CSMD1: variants seen among roughly 807,000 people sequenced by gnomAD.
CSMD1 encodes the protein CUB and Sushi multiple domains 1.
In CSMD1, 213 loss-of-function variants were observed where a neutral mutation model predicts 417.5. That is an observed-to-expected ratio of 0.51 (90% CI 0.46 to 0.57). The LOEUF is 0.57. CSMD1 is among the 20% of genes least tolerant of loss of function. The probability of loss-of-function intolerance (pLI) is 0.00; values close to 1 mark genes in which losing one functional copy is unlikely to be tolerated. For synonymous variants in CSMD1, 2,862 were observed against 1,736.8 expected (o/e 1.65, Z -16.11); for missense variants, 6,923 against 4,529.7 (o/e 1.53, Z -15.17).
At chr8:3,986,544 C>T (rs554579912) in intron 5 of CSMD1, among the ~76,000 whole-genome samples, 50 of 152,218 alleles carry the variant, frequency 3.3e-4, no homozygotes, top group African/African-American at 1.1e-3. Context: ...ATCAGCAGAC[C>T]CGTATAAATT....
intron 1 of CSMD1, among the ~76,000 whole-genome samples, chr8:4,913,423 A>G (rs1033469630): frequency 1.3e-5 from 2 of 152,122 alleles, no homozygotes; most frequent in Admixed American, 1.3e-4. Context: ...GTGCTTGGAC[A>G]CTCAGTGAAT....
At chr8:4,922,689 A>G (rs1806575628) in intron 1 of CSMD1, among the ~76,000 whole-genome samples, 1 of 152,188 alleles carries the variant, frequency 6.6e-6, no homozygotes, top group Non-Finnish European at 1.5e-5. Context: ...GCCCCTGCAG[A>G]CCTTCAGATG....
At chr8:3,408,313 C>A (rs1812475829) in intron 13 of CSMD1, 88 bp from the exon 14 acceptor site, 4 of 950,464 alleles carry the variant, frequency 4.2e-6, no homozygotes, top group Non-Finnish European at 4.7e-6. Flanking sequence ...CCTGGAAAGG[C>A]AATTCATGCC....
At chr8:2,948,242 T>G (rs1802386732) in intron 68 of CSMD1, among the ~76,000 whole-genome samples, 1 of 152,062 alleles carries the variant, frequency 6.6e-6, no homozygotes, top group South Asian at 2.1e-4. Flanking sequence ...CACAAAGCAA[T>G]GCTTACGTGG....
chr8:3,110,908 TA>T (rs1448103057), intron 42 of CSMD1, among the ~76,000 whole-genome samples: 6 of 152,238 alleles, frequency 3.9e-5, no homozygotes, highest in Non-Finnish European at 8.8e-5. Flanking sequence ...CTTGAAGAAC[TA>T]AAACAATACC....
chr8:3,455,960 C>G lies in CSMD1; in HGVS notation c.1561+12752G>C, dbSNP rs532662373. 2.6e-5 allele frequency among the ~76,000 whole-genome samples: 4 copies of G among 152,240 alleles called. No individual in the cohort carries two copies. In the South Asian group the frequency reaches 8.3e-4, roughly 32 times the overall value. On this transcript the variant is annotated intron_variant, in intron 12 of 69. Coordinates refer to ENST00000635120, the MANE Select transcript of CSMD1 (RefSeq NM_033225.6). Reference sequence around the variant, plus strand: ...TCCTTGAGCTGAGGTGGGCTCCACCCAGTTCGAGCTTCCGGGCTGCTTTGT... The same window carrying G: ...TCCTTGAGCTGAGGTGGGCTCCACCGAGTTCGAGCTTCCGGGCTGCTTTGT...
intron 12 of CSMD1, among the ~76,000 whole-genome samples, chr8:3,414,886 A>G (rs914942957): frequency 5.3e-5 from 8 of 151,968 alleles, no homozygotes; most frequent in Non-Finnish European, 1.2e-4. Flanking sequence ...TTGCTCGGGG[A>G]TGGCCTGTAT....
At chr8:4,188,851 A>G (rs1798845009) in intron 3 of CSMD1, among the ~76,000 whole-genome samples, 1 of 151,918 alleles carries the variant, frequency 6.6e-6, no homozygotes. Context: ...AAAAAACGAA[A>G]TGTTTCTGCA....
chr8:4,600,358 C>A (rs2617095), intron 2 of CSMD1, among the ~76,000 whole-genome samples: 1 of 152,032 alleles, frequency 6.6e-6, no homozygotes, highest in Admixed American at 6.5e-5. Flanking sequence ...ACTTAATAAA[C>A]GGTGAAGTTT....
At chr8:4,722,695 A>T (rs1287551156) in intron 1 of CSMD1, among the ~76,000 whole-genome samples, 2 of 152,166 alleles carry the variant, frequency 1.3e-5, no homozygotes, top group African/African-American at 4.8e-5. Flanking sequence ...AATTTTTCTA[A>T]TTTGAATATG....
chr8:4,430,197 T>A (rs1466479298), intron 2 of CSMD1, among the ~76,000 whole-genome samples: 1 of 152,196 alleles, frequency 6.6e-6, no homozygotes, highest in African/African-American at 2.4e-5. Flanking sequence ...GGTGCCCCTT[T>A]ATCTCAGGAG....
intron 50 of CSMD1, 149 bp downstream of exon 50, chr8:3,052,313 C>T (rs1007476580): frequency 6.8e-6 from 4 of 586,870 alleles, no homozygotes; most frequent in Non-Finnish European, 8.9e-6. Context: ...ATATGAAATA[C>T]ATTGGTTTTA....
At position 3,772,339 on chromosome 8, in the gene CSMD1, A is replaced by ATATT. The variant is rs79719870; in HGVS notation, c.819-18298_819-18297insAATA. On this transcript the variant is annotated intron_variant, in intron 5 of 69. Transcript: ENST00000635120. ...TACATATGTACATATATTTAGACAT[A>ATATT]CATATATACATATATTTATATATAC... is the stretch of plus-strand genomic sequence containing the variant. 2.9e-4 allele frequency among the ~76,000 whole-genome samples: 41 copies of ATATT among 141,946 alleles called. 6 individuals are homozygous for ATATT. The highest frequency in any genetic ancestry group is 1.1e-3 in the African/African-American group (40 of 36,780). 93.1% of individuals were successfully genotyped at this position (141,946 alleles called of 152,430 possible).
chr8:3,698,276 T>C (rs1391694306), intron 7 of CSMD1, among the ~76,000 whole-genome samples: 1 of 152,294 alleles, frequency 6.6e-6, no homozygotes, highest in South Asian at 2.1e-4. Context: ...TGATGAAGCA[T>C]TTTTTACAAT....
At chr8:3,149,749 A>G (rs1819078376) in intron 40 of CSMD1, among the ~76,000 whole-genome samples, 1 of 152,164 alleles carries the variant, frequency 6.6e-6, no homozygotes, top group Non-Finnish European at 1.5e-5. Flanking sequence ...AGCCAGAATT[A>G]TTATAATTAA....
intron 4 of CSMD1, among the ~76,000 whole-genome samples, chr8:4,001,765 G>A (rs1184965426): frequency 6.6e-6 from 1 of 152,088 alleles, no homozygotes; most frequent in Non-Finnish European, 1.5e-5. Flanking sequence ...GGTAAGACCA[G>A]AGCACTGACT....
chr8:4,061,810 A>C (rs1025264389), intron 3 of CSMD1, among the ~76,000 whole-genome samples: 2 of 152,242 alleles, frequency 1.3e-5, no homozygotes, highest in Non-Finnish European at 2.9e-5. Flanking sequence ...TATTTATTTT[A>C]AATGATGCTT....
chr8:4,053,788 A>G (rs1798555762), intron 3 of CSMD1, among the ~76,000 whole-genome samples: 1 of 152,022 alleles, frequency 6.6e-6, no homozygotes, highest in Non-Finnish European at 1.5e-5. Context: ...TAGAGAATAA[A>G]CCAGTATGTT....
At chr8:3,440,378 G>A (rs755495796) in intron 12 of CSMD1, among the ~76,000 whole-genome samples, 1 of 152,086 alleles carries the variant, frequency 6.6e-6, no homozygotes, top group Non-Finnish European at 1.5e-5. Flanking sequence ...GTTTTCTTTA[G>A]ATTTCCACAT....
Sources: gnomAD v4.1 joint callset for allele counts (sites outside exome capture counted in the v4.1 genomes callset) on GRCh38, gnomAD v4.1.1 for gene constraint, MANE v1.5 for transcripts, NCBI Gene and HGNC (gene_info 2026-07-23, HGNC 2026-07-21) for gene names.